Variants in CNGB1 observed in about 807,000 individuals in gnomAD.
CNGB1 encodes the protein cyclic nucleotide gated channel subunit beta 1.
Under a neutral mutation model 151.7 loss-of-function variants are expected in CNGB1, and 126 were observed. That is an observed-to-expected ratio of 0.83 (90% confidence interval 0.72 to 0.96). The LOEUF (loss-of-function observed/expected upper bound fraction) is 0.96. CNGB1 is among the 40% of genes least tolerant of loss of function. The pLI is 0.00. For missense variants in CNGB1, 1,698 were observed against 1,627.0 expected (o/e 1.04, Z -0.75); for synonymous variants, 623 against 635.1 (o/e 0.98, Z 0.29).
chr16:57,953,645 C>A (rs1193680582), intron 12 of CNGB1, among the ~76,000 whole-genome samples: 2 of 152,124 alleles, frequency 1.3e-5, no homozygotes, highest in Non-Finnish European at 2.9e-5. Flanking sequence ...GCCCTAACTC[C>A]AAACCTCCAT....
intron 25 of CNGB1, among the ~76,000 whole-genome samples, chr16:57,907,680 A>G (rs886369026): frequency 6.6e-6 from 1 of 152,216 alleles, no homozygotes; most frequent in African/African-American, 2.4e-5. Context: ...AGGGGCTTCA[A>G]GTCCCCCTCT....
chr16:57,926,248 C>CACCTCAGCAGAGGTTCCTACTCCAGGA (rs1961184624), intron 17 of CNGB1, among the ~76,000 whole-genome samples: 3 of 152,174 alleles, frequency 2.0e-5, no homozygotes, highest in Non-Finnish European at 2.9e-5. Context: ...CCAAGAAGCT[C>CACCTCAGCAGAGGTTCCTACTCCAGGA]ACCTCAGCAG....
intron 29 of CNGB1, among the ~76,000 whole-genome samples, chr16:57,900,378 T>C (rs375255293): frequency 1.3e-5 from 2 of 152,212 alleles, no homozygotes; most frequent in South Asian, 2.1e-4. Flanking sequence ...GGACGGGGGT[T>C]CCCAAGTCTT....
intron 7 of CNGB1, among the ~76,000 whole-genome samples, chr16:57,961,534 C>T (rs1962254892): frequency 1.3e-5 from 2 of 152,100 alleles, no homozygotes; most frequent in Admixed American, 6.6e-5. Context: ...CCTCTAGGTG[C>T]CCTCATCCTA....
At chr16:57,965,863 A>T (rs932623688) in intron 2 of CNGB1, among the ~76,000 whole-genome samples, 1 of 152,208 alleles carries the variant, frequency 6.6e-6, no homozygotes, top group African/African-American at 2.4e-5. Flanking sequence ...GTTCACATAC[A>T]TTGTCATGTA....
chr16:57,969,241 G>T (rs1352991738), intron 1 of CNGB1, among the ~76,000 whole-genome samples: 1 of 152,242 alleles, frequency 6.6e-6, no homozygotes, highest in East Asian at 1.9e-4. Context: ...GGGAGGCAGA[G>T]GTTGCAGTGA....
intron 18 of CNGB1, 121 bp from the exon 19 acceptor site, chr16:57,920,665 GC>G (rs1961007842): frequency 1.7e-6 from 2 of 1,180,990 alleles, no homozygotes. Context: ...GGTAAGTCCT[GC>G]CCCCATCTCC....
chr16:57,898,930 A>G (rs562035159), intron 29 of CNGB1, among the ~76,000 whole-genome samples: 1 of 152,296 alleles, frequency 6.6e-6, no homozygotes, highest in Admixed American at 6.5e-5. Flanking sequence ...GGGTCATTGC[A>G]GATGTAATTC....
chr16:57,903,721 A>G, intron 27 of CNGB1, 101 bp downstream of exon 27: 2 of 1,375,574 alleles, frequency 1.5e-6, no homozygotes, highest in Non-Finnish European at 2.0e-6. Flanking sequence ...GGGACCTCAG[A>G]GACACAGAGG....
rs483053 is a variant in CNGB1, at chr16:57,915,347, G to A, written c.2218-12C>T. On this transcript the variant is annotated splice_polypyrimidine_tract_variant and intron_variant, in intron 22 of 32. Transcript: ENST00000251102. ...CTGAGCAGGTCCATCTGAAATCCCA[G>A]TGGGACACCATGGGGGTAAAACGGA... 815,582 of 1,605,190 alleles carry A rather than the reference G, an allele frequency of 0.51. 208,177 individuals carry two copies. The highest frequency in any genetic ancestry group is 0.57 in the East Asian group (25,723 of 44,802).
At chr16:57,930,021 G>C (rs751059427) in intron 17 of CNGB1, among the ~76,000 whole-genome samples, 2 of 152,162 alleles carry the variant, frequency 1.3e-5, no homozygotes, top group Non-Finnish European at 2.9e-5. Flanking sequence ...AAAACAGAAT[G>C]GTGGTTCCTC....
chr16:57,915,183 G>A, intron 23 of CNGB1, 66 bp downstream of exon 23: 1 of 1,320,646 alleles, frequency 7.6e-7, no homozygotes. Flanking sequence ...CAGACACGAA[G>A]ATGCCAGTGT....
At chr16:57,901,067 G>T (rs1043102100) in intron 29 of CNGB1, among the ~76,000 whole-genome samples, 8 of 152,070 alleles carry the variant, frequency 5.3e-5, no homozygotes, top group Non-Finnish European at 8.8e-5. Context: ...GTTGGGGGGG[G>T]GGTCTTTGTC....
Position 57,957,357 on chromosome 16 carries a change from T to C in CNGB1, c.858A>G (p.Ile286Met), listed in dbSNP as rs1319171358. The C allele has an allele frequency of 4.3e-6, 7 of 1,613,956 alleles. No individual in the cohort carries two copies. Among genetic ancestry groups the C allele is most frequent in the Admixed American group, 3.3e-5 (2 of 60,012 alleles). Reference sequence around the variant, plus strand: ...GTCACTTACTGGTCTGCACATCACATATCCCAGGGGAGTCAGGCTCCTGCA... The same window carrying C: ...GTCACTTACTGGTCTGCACATCACACATCCCAGGGGAGTCAGGCTCCTGCA... Reference protein sequence around the residue: ...IGEQEPDSPGICDVQTISILP... With the variant: ...IGEQEPDSPGMCDVQTISILP... The change falls in exon 12 of 33, where the codon ATA becomes ATG. Residue 286 changes from isoleucine (I) to methionine (M), a missense_variant. Coordinates refer to ENST00000251102, the MANE Select transcript of CNGB1 (RefSeq NM_001297.5).
intron 18 of CNGB1, among the ~76,000 whole-genome samples, chr16:57,922,020 C>A (rs1306928009): frequency 6.6e-6 from 1 of 152,166 alleles, no homozygotes; most frequent in Non-Finnish European, 1.5e-5. Flanking sequence ...TTTCTGCCTT[C>A]GTTTCTGATA....
chr16:57,919,024 C>G, intron 20 of CNGB1, 75 bp downstream of exon 20: 1 of 1,607,574 alleles, frequency 6.2e-7, no homozygotes, highest in Admixed American at 1.7e-5. Context: ...AATCCCCTGA[C>G]CCTCTCCCCA....
At position 57,958,402 on chromosome 16, in the gene CNGB1, G is replaced by C; in HGVS notation, c.837+8C>G. ...CCAGGGCCACCACTCCATGAGCCCA[G>C]CACTGACCTGTTCCCCTATTTTCCC... is the stretch of plus-strand genomic sequence containing the variant. On this transcript the variant is annotated splice_region_variant and intron_variant, in intron 11 of 32. Coordinates refer to ENST00000251102, the MANE Select transcript of CNGB1 (RefSeq NM_001297.5). The C allele has an allele frequency of 2.6e-6, 4 of 1,553,334 alleles. No individual in the cohort carries two copies. The highest frequency in any genetic ancestry group is 1.9e-5 in the African/African-American group (1 of 52,482).
At chr16:57,924,036 G>GCCTT (rs1292792760) in intron 17 of CNGB1, among the ~76,000 whole-genome samples, 1 of 152,116 alleles carries the variant, frequency 6.6e-6, no homozygotes, top group Admixed American at 6.5e-5. Flanking sequence ...TAGTGTCTTG[G>GCCTT]CTTATGGTGT....
chr16:57,950,685 C>A, intron 12 of CNGB1, 145 bp from the exon 13 acceptor site: 1 of 789,966 alleles, frequency 1.3e-6, no homozygotes, highest in Non-Finnish European at 2.1e-6. Flanking sequence ...TGGCACTTTC[C>A]ATTTTCAGCG....
Sources: allele counts gnomAD v4.1 joint callset (sites outside exome capture counted in the v4.1 genomes callset), GRCh38; gene constraint gnomAD v4.1.1; transcripts MANE v1.5; gene names NCBI Gene and HGNC (gene_info 2026-07-23, HGNC 2026-07-21).